The following MACROD2 variants were observed in gnomAD, a reference collection of about 807,000 sequenced individuals.
MACROD2 encodes ADP-ribose glycohydrolase MACROD2.
MACROD2 carries 36 observed loss-of-function variants against 70.4 expected under a neutral mutation model. That is an observed-to-expected ratio of 0.51 (90% CI 0.39 to 0.68). The LOEUF is 0.68. Ranked by LOEUF, MACROD2 falls within the 30% of genes least tolerant of loss-of-function variation. MACROD2 has a pLI of 0.00. For missense variants in MACROD2, 496 were observed against 538.4 expected, an observed-to-expected ratio of 0.92 and a Z score of 0.78; for synonymous variants, 172 against 178.8, an observed-to-expected ratio of 0.96 and a Z score of 0.30.
At chr20:14,144,705 T>C (rs1424702160) in intron 3 of MACROD2, among the ~76,000 whole-genome samples, 1 of 152,226 alleles carries the variant, frequency 6.6e-6, no homozygotes, top group Non-Finnish European at 1.5e-5. Context: ...GAGGAAATTG[T>C]GTATTCCTTC....
In MACROD2 at chr20:15,665,683, A is replaced by G. The variant is rs200777; in HGVS notation, c.645+165836A>G. Among the ~76,000 whole-genome samples, 666 of 152,356 alleles carry G rather than the reference A, an allele frequency of 4.4e-3. 3 individuals carry two copies. Among genetic ancestry groups the G allele is most frequent in the African/African-American group, 0.014 (603 of 41,596 alleles). On this transcript the variant is annotated intron_variant, in intron 8 of 17. Transcript: ENST00000684519. ...GTCTCCAGAGAGGAGAAAAGAGGCC[A>G]TGGGAAGGAAGATGGTGCATCAAGC...
intron 8 of MACROD2, among the ~76,000 whole-genome samples, chr20:15,838,716 G>A (rs1049990134): frequency 2.6e-5 from 4 of 152,264 alleles, no homozygotes; most frequent in Middle Eastern, 3.4e-3. Context: ...AGCAGCATAG[G>A]AAAATAAAAG....
chr20:14,697,427 T>G (rs1389886240), intron 5 of MACROD2, among the ~76,000 whole-genome samples: 2 of 152,204 alleles, frequency 1.3e-5, no homozygotes, highest in Non-Finnish European at 2.9e-5. Context: ...AACAGGGAAC[T>G]GCACATCAAG....
intron 8 of MACROD2, among the ~76,000 whole-genome samples, chr20:15,519,117 T>G (rs948397249): frequency 1.4e-5 from 2 of 139,758 alleles, no homozygotes; most frequent in African/African-American, 5.1e-5. Flanking sequence ...CTTCCTTCCT[T>G]CCTTTCTTTC....
At chr20:14,424,091 T>C (rs2083908553) in intron 3 of MACROD2, among the ~76,000 whole-genome samples, 2 of 152,160 alleles carry the variant, frequency 1.3e-5, no homozygotes. Context: ...GTCTAAATTT[T>C]TATATTGTCC....
intron 3 of MACROD2, among the ~76,000 whole-genome samples, chr20:14,387,737 G>A (rs1038257487): frequency 6.6e-6 from 1 of 152,178 alleles, no homozygotes; most frequent in Non-Finnish European, 1.5e-5. Context: ...GATGGTAGCT[G>A]CTTTGTGAAA....
intron 6 of MACROD2, among the ~76,000 whole-genome samples, chr20:15,312,642 T>G (rs6079745): frequency 0.038 from 5,767 of 152,328 alleles, 140 homozygotes; most frequent in South Asian, 0.099. Context: ...ATGTATTTTT[T>G]CATTTATGCT....
intron 3 of MACROD2, among the ~76,000 whole-genome samples, chr20:14,276,026 G>C (rs952147088): frequency 6.6e-6 from 1 of 151,424 alleles, no homozygotes; most frequent in Non-Finnish European, 1.5e-5. Flanking sequence ...TACACTGTTG[G>C]TGGGACTGTA....
At chr20:14,337,378 T>C in intron 3 of MACROD2, 1 of 272,984 alleles carries the variant, frequency 3.7e-6, no homozygotes, top group Non-Finnish European at 6.6e-6. Context: ...GGGACAATCA[T>C]AAGAAAAAAC....
intron 13 of MACROD2, among the ~76,000 whole-genome samples, chr20:15,968,785 T>G (rs2066180643): frequency 7.2e-6 from 1 of 138,738 alleles, no homozygotes; most frequent in Admixed American, 7.7e-5. Flanking sequence ...CATATAATAT[T>G]ATATATTATG....
chr20:15,035,431 T>TAAAATAATAA (rs33952792), intron 5 of MACROD2, among the ~76,000 whole-genome samples: 3 of 151,178 alleles, frequency 2.0e-5, no homozygotes, highest in African/African-American at 4.9e-5. Context: ...TAAAATAAAA[T>TAAAATAATAA]AATAAAATGT....
intron 8 of MACROD2, among the ~76,000 whole-genome samples, chr20:15,560,128 A>G (rs964522765): frequency 6.6e-6 from 1 of 152,206 alleles, no homozygotes; most frequent in Non-Finnish European, 1.5e-5. Flanking sequence ...TTAAAAGGGC[A>G]ACCATGTTTT....
intron 4 of MACROD2, among the ~76,000 whole-genome samples, chr20:14,679,399 A>C (rs758925206): frequency 2.6e-5 from 4 of 152,154 alleles, no homozygotes; most frequent in Non-Finnish European, 5.9e-5. Flanking sequence ...GGTGTGGCCA[A>C]ATCAGAGGAT....
chr20:14,870,586 C>T (rs1309036762), intron 5 of MACROD2, among the ~76,000 whole-genome samples: 2 of 152,062 alleles, frequency 1.3e-5, no homozygotes, highest in African/African-American at 4.8e-5. Context: ...CCTTTTTCTC[C>T]TCAACCTCAC....
chr20:14,762,856 G>C (rs549350329), intron 5 of MACROD2, among the ~76,000 whole-genome samples: 1 of 152,252 alleles, frequency 6.6e-6, no homozygotes, highest in Admixed American at 6.5e-5. Context: ...CTTGAACCCA[G>C]GAGGTAGAGG....
intron 5 of MACROD2, among the ~76,000 whole-genome samples, chr20:14,806,879 C>G (rs965616170): frequency 3.9e-5 from 6 of 152,094 alleles, no homozygotes; most frequent in Non-Finnish European, 7.4e-5. Flanking sequence ...TGTAGCCAGA[C>G]TGCCTCTCTA....
intron 5 of MACROD2, among the ~76,000 whole-genome samples, chr20:14,798,001 T>C (rs1006599534): frequency 3.3e-5 from 5 of 152,122 alleles, no homozygotes; most frequent in Non-Finnish European, 2.9e-5. Flanking sequence ...TTTCTGTGTA[T>C]GCAAAGGTCA....
intron 3 of MACROD2, among the ~76,000 whole-genome samples, chr20:14,112,260 C>CA (rs979129658): frequency 1.5e-4 from 22 of 151,464 alleles, no homozygotes; most frequent in African/African-American, 4.8e-4. Context: ...TTAATGGGCA[C>CA]AAAAAATAGT....
intron 12 of MACROD2, among the ~76,000 whole-genome samples, chr20:15,957,802 C>A (rs752712763): frequency 6.6e-6 from 1 of 152,150 alleles, no homozygotes; most frequent in Non-Finnish European, 1.5e-5. Context: ...CACCTACCAA[C>A]GAGGCTGGCC....
Sources: allele counts gnomAD v4.1 joint callset (sites outside exome capture counted in the v4.1 genomes callset), GRCh38; gene constraint gnomAD v4.1.1; transcripts MANE v1.5; gene names NCBI Gene and HGNC (gene_info 2026-07-23, HGNC 2026-07-21).